Variants in UQCC2 observed in about 807,000 individuals in gnomAD.
UQCC2 encodes breast cancer-associated protein SGA-81M.
A neutral mutation model predicts 19.9 loss-of-function variants in UQCC2; 21 were observed. The ratio of observed to expected loss-of-function variants is 1.05; its 90% confidence interval spans 0.75 to 1.52. The LOEUF (loss-of-function observed/expected upper bound fraction) is 1.52, where lower values mean the gene tolerates loss of function less well. Among genes scored for constraint, UQCC2 ranks in the 40% most tolerant of loss-of-function variants. UQCC2 has a pLI of 0.00. For synonymous variants in UQCC2, 57 were observed against 60.9 expected (o/e 0.94, Z 0.30); for missense variants, 135 against 157.5 (o/e 0.86, Z 0.76).
rs1765625393 is a variant in UQCC2 at position 33,700,454 on chromosome 6, G to T, written c.273C>A (p.Ile91=). 6.2e-7 allele frequency: 1 copy of T among 1,614,036 alleles called. No individual in the cohort carries two copies. Among genetic ancestry groups the T allele is most frequent in the Non-Finnish European group, 8.5e-7 (1 of 1,180,010 alleles). ...SGLSLEEYKL[I]LSTDTLEELK... is the part of the protein sequence containing the mutation. ...CTGTGCTTTCATTACCTGTGGACAG[G>T]ATCAGCTTGTACTCTTCCAACGACA... Residue 91 remains isoleucine (I), a synonymous_variant, in exon 3 of 4, where the codon ATC becomes ATA. Coordinates refer to ENST00000607484, the MANE Select transcript of UQCC2 (RefSeq NM_032340.4).
At chr6:33,707,701 C>T (rs1765716358) in intron 1 of UQCC2, among the ~76,000 whole-genome samples, 1 of 152,232 alleles carries the variant, frequency 6.6e-6, no homozygotes, top group African/African-American at 2.4e-5. Context: ...TTAGGAAGCA[C>T]CTAATGAACT....
intron 1 of UQCC2, among the ~76,000 whole-genome samples, chr6:33,708,591 G>A (rs1249925974): frequency 6.6e-6 from 1 of 152,182 alleles, no homozygotes; most frequent in Non-Finnish European, 1.5e-5. Context: ...TGGAAAGACG[G>A]CATGAGCAGA....
Position 33,700,474 on chromosome 6 carries a change from A to G in UQCC2, c.253T>C (p.Leu85=), listed in dbSNP as rs1582179345. ...PRDTSFSGLS[L]EEYKLILSTD... is the part of the protein sequence containing the mutation. ...GACAGGATCAGCTTGTACTCTTCCAACGACAGGCCACTGAAGCTGGTGTCT... is the reference window on the plus strand; with the variant it reads ...GACAGGATCAGCTTGTACTCTTCCAGCGACAGGCCACTGAAGCTGGTGTCT... Residue 85 remains leucine, a synonymous_variant, in exon 3 of 4, where the codon TTG becomes CTG. Coordinates refer to ENST00000607484, the MANE Select transcript of UQCC2 (RefSeq NM_032340.4). 3 of 1,614,056 alleles carry G rather than the reference A, an allele frequency of 1.9e-6. No homozygotes were observed. The highest frequency in any genetic ancestry group is 1.3e-5 in the African/African-American group (1 of 74,908).
intron 1 of UQCC2, among the ~76,000 whole-genome samples, chr6:33,704,673 T>C (rs1561890589): frequency 1.3e-5 from 2 of 152,198 alleles, no homozygotes; most frequent in African/African-American, 2.4e-5. Context: ...CAAGCTGATC[T>C]GCCTTCCTCC....
At chr6:33,702,800 T>C (rs1442136231) in intron 1 of UQCC2, among the ~76,000 whole-genome samples, 1 of 152,274 alleles carries the variant, frequency 6.6e-6, no homozygotes, top group African/African-American at 2.4e-5. Context: ...AAATCCTTCC[T>C]TGGAGAAGGC....
At position 33,697,741 on chromosome 6, in the gene UQCC2, T is replaced by C. The variant is rs1217921058; in HGVS notation, c.293A>G (p.Glu98Gly). 1 of 1,613,608 alleles carries C rather than the reference T, an allele frequency of 6.2e-7. No individual in the cohort carries two copies. Among genetic ancestry groups the C allele is most frequent in the South Asian group, 1.1e-5 (1 of 90,998 alleles). The change falls in exon 4 of 4, where the codon GAA (glutamate) becomes GGA (glycine). Residue 98 changes from glutamate to glycine, a missense_variant. By Grantham distance (98) the Glu-to-Gly change is moderately conservative. Coordinates refer to ENST00000607484, the MANE Select transcript of UQCC2 (RefSeq NM_032340.4). ...YKLILSTDTL[E>G]ELKEIDKGMW... ...GCCTTTATCTATTTCCTTAAGCTCT[T>C]CCAAGGTGTCTGCAAAAGGGGAAGA... is the stretch of plus-strand genomic sequence containing the variant.
intron 1 of UQCC2, among the ~76,000 whole-genome samples, chr6:33,704,267 G>C (rs1765673475): frequency 6.6e-6 from 1 of 152,224 alleles, no homozygotes; most frequent in South Asian, 2.1e-4. Context: ...GCATGTACAA[G>C]GTGCTATGGG....
intron 1 of UQCC2, among the ~76,000 whole-genome samples, chr6:33,709,835 T>A (rs1765745101): frequency 6.6e-6 from 1 of 152,170 alleles, no homozygotes; most frequent in Non-Finnish European, 1.5e-5. Context: ...TTCTTCAGAC[T>A]GTGTGTATAT....
chr6:33,704,939 G>A (rs1314512132), intron 1 of UQCC2, among the ~76,000 whole-genome samples: 1 of 152,158 alleles, frequency 6.6e-6, no homozygotes, highest in African/African-American at 2.4e-5. Context: ...GGGGCATGGG[G>A]GGCGGGTCAC....
At position 33,700,502 on chromosome 6, in the gene UQCC2, G is replaced by T. The variant is rs114881155; in HGVS notation, c.225C>A (p.Pro75=). ...ACAGGCCACTGAAGCTGGTGTCTCT[G>T]GGGCGAGGGTACTGGTCACCGGGGC... ...SNYYKHKYPR[P]RDTSFSGLSL... The change falls in exon 3 of 4, where the codon CCC becomes CCA. Residue 75 remains proline (P), a synonymous_variant. Coordinates refer to ENST00000607484, the MANE Select transcript of UQCC2 (RefSeq NM_032340.4). 4.4e-4 allele frequency: 709 copies of T among 1,614,180 alleles called. 1 individual carries two copies. In the African/African-American group the frequency reaches 5.4e-3, roughly 12 times the overall value.
intron 3 of UQCC2, chr6:33,698,243 G>T: frequency 6.2e-6 from 1 of 160,060 alleles, no homozygotes; most frequent in Non-Finnish European, 1.4e-5. Context: ...CCTGGTGTGT[G>T]GACTCAGCAC....
rs754405 is a variant in UQCC2, at chr6:33,696,831, C to T, written c.*822G>A. On this transcript the variant is annotated 3_prime_UTR_variant, in exon 4 of 4. Transcript: ENST00000607484. The stretch of plus-strand genomic sequence containing the variant: ...ACATCCTGAGGAGTCTAGACACAGA[C>T]GAGGTTAAGAACCCACTTCCACTTT... 13 of 152,344 alleles carry T rather than the reference C, an allele frequency of 8.5e-5. No homozygotes were observed. The highest frequency in any genetic ancestry group is 1.7e-4 in the African/African-American group (7 of 41,574). 9.4% of individuals were successfully genotyped at this position (152,344 alleles called of 1,614,324 possible).
Position 33,701,361 on chromosome 6 carries a change from G to C in UQCC2, c.198C>G (p.Asn66Lys), listed in dbSNP as rs1012969289. Reference protein sequence around the residue: ...MYESLARLHSNYYKHKYPRPR... With the variant: ...MYESLARLHSKYYKHKYPRPR... Reference sequence around the variant, plus strand: ...GCCCACTCACCTTGTGTTTGTAGTAGTTTGAATGGAGTCGCGCTAAGCTCT... The same window carrying C: ...GCCCACTCACCTTGTGTTTGTAGTACTTTGAATGGAGTCGCGCTAAGCTCT... The change falls in exon 2 of 4, where the codon AAC becomes AAG. Residue 66 changes from asparagine to lysine, a missense_variant. Physicochemically the swap from Asn to Lys is moderately conservative, Grantham distance 94. Transcript: ENST00000607484. 5.0e-6 allele frequency: 8 copies of C among 1,613,556 alleles called. No individual in the cohort carries two copies. Among genetic ancestry groups the C allele is most frequent in the African/African-American group, 1.3e-5 (1 of 75,040 alleles).
chr6:33,708,316 C>T (rs545614671), intron 1 of UQCC2, among the ~76,000 whole-genome samples: 3 of 152,322 alleles, frequency 2.0e-5, no homozygotes, highest in African/African-American at 4.8e-5. Flanking sequence ...ACCCAGGAGA[C>T]GATGCACACT....
chr6:33,711,500 C>G lies in UQCC2; in HGVS notation c.138+49G>C. 2 of 1,553,092 alleles carry G rather than the reference C, an allele frequency of 1.3e-6. 1 individual carries two copies. Among genetic ancestry groups the G allele is most frequent in the South Asian group, 2.4e-5 (2 of 82,980 alleles). On this transcript the variant is annotated intron_variant, in intron 1 of 3. Transcript: ENST00000607484. ...GCTAGCGCGCTCGTTGGCCCCGCCC[C>G]TGCCTCGTCCTTTCCTCCCCTCGTC...
chr6:33,709,297 C>T (rs2127338598), intron 1 of UQCC2, among the ~76,000 whole-genome samples: 1 of 152,344 alleles, frequency 6.6e-6, no homozygotes, highest in East Asian at 1.9e-4. Context: ...ATATTCCTTT[C>T]TCACTCTTCA....
chr6:33,707,948 C>G (rs1412845904), intron 1 of UQCC2, among the ~76,000 whole-genome samples: 1 of 152,390 alleles, frequency 6.6e-6, no homozygotes, highest in East Asian at 1.9e-4. Context: ...ACCACCTCCC[C>G]ACTTGGTGGG....
chr6:33,709,668 C>G (rs1329854590), intron 1 of UQCC2, among the ~76,000 whole-genome samples: 1 of 152,142 alleles, frequency 6.6e-6, no homozygotes, highest in African/African-American at 2.4e-5. Flanking sequence ...AGACACTCCC[C>G]AGGCTGCCAG....
chr6:33,708,366 C>T (rs1211760292), intron 1 of UQCC2, among the ~76,000 whole-genome samples: 1 of 152,004 alleles, frequency 6.6e-6, no homozygotes, highest in Non-Finnish European at 1.5e-5. Context: ...CTTGGCTTGT[C>T]TCTTATGGCT....
Sources: gnomAD v4.1 joint callset for allele counts (sites outside exome capture counted in the v4.1 genomes callset) on GRCh38, gnomAD v4.1.1 for gene constraint, MANE v1.5 for transcripts, NCBI Gene and HGNC (gene_info 2026-07-23, HGNC 2026-07-21) for gene names.